ASIC2: variants seen among roughly 807,000 people sequenced by gnomAD.
ASIC2 encodes acid-sensing ion channel 2.
In ASIC2, 25 loss-of-function variants were observed where a neutral mutation model predicts 57.3. The ratio of observed to expected loss-of-function variants is 0.44; its 90% confidence interval spans 0.32 to 0.61. The LOEUF (loss-of-function observed/expected upper bound fraction) is 0.61. Among genes scored for constraint, ASIC2 ranks in the 20% least tolerant of loss-of-function variants. The probability of loss-of-function intolerance (pLI) is 0.06; values close to 1 mark genes in which losing one functional copy is unlikely to be tolerated. For missense variants in ASIC2, 641 were observed against 738.1 expected (o/e 0.87, Z 1.52); for synonymous variants, 319 against 307.5 (o/e 1.04, Z -0.39).
At chr17:33,130,226 T>C (rs1294488541) in intron 1 of ASIC2, among the ~76,000 whole-genome samples, 2 of 152,140 alleles carry the variant, frequency 1.3e-5, no homozygotes, top group African/African-American at 2.4e-5. Context: ...TACATGAATT[T>C]TTGCAACAAC....
At chr17:33,579,767 G>A (rs529428714) in intron 1 of ASIC2, among the ~76,000 whole-genome samples, 175 of 152,282 alleles carry the variant, frequency 1.1e-3, no homozygotes, top group African/African-American at 3.7e-3. Context: ...AACTCATTCA[G>A]AAGAGCAAAA....
chr17:33,935,638 C>T (rs1407092541), intron 1 of ASIC2: 1 of 152,124 alleles, frequency 6.6e-6, no homozygotes, highest in Non-Finnish European at 1.5e-5. Flanking sequence ...CCTCTAAAAT[C>T]CTGCTCCCAC....
At chr17:33,295,416 C>T (rs1905684143), upstream of ASIC2, among the ~76,000 whole-genome samples, 1 of 152,204 alleles carries the variant, frequency 6.6e-6, no homozygotes, top group African/African-American at 2.4e-5. Context: ...ATACTCCCAC[C>T]CTCTTCTCTG....
chr17:33,363,572 C>T (rs1445153758), intron 1 of ASIC2, among the ~76,000 whole-genome samples: 1 of 152,228 alleles, frequency 6.6e-6, no homozygotes, highest in Non-Finnish European at 1.5e-5. Context: ...CCTAGCCCTG[C>T]GTTCCGAGCT....
intron 1 of ASIC2, among the ~76,000 whole-genome samples, chr17:33,275,364 CTATAA>C (rs1348174078): frequency 6.6e-6 from 1 of 152,148 alleles, no homozygotes; most frequent in Non-Finnish European, 1.5e-5. Flanking sequence ...AATCTTCGCA[CTATAA>C]CCTCAGTTCT....
intron 1 of ASIC2, among the ~76,000 whole-genome samples, chr17:34,034,461 A>G (rs1907770889): frequency 6.6e-6 from 1 of 152,224 alleles, no homozygotes; most frequent in African/African-American, 2.4e-5. Flanking sequence ...CAAGACAGGG[A>G]TGCCCTCTCT....
intron 1 of ASIC2, chr17:34,001,764 C>T (rs527782380): frequency 1.1e-4 from 17 of 152,342 alleles, no homozygotes; most frequent in Admixed American, 9.1e-4. Flanking sequence ...GTCCTTTCTA[C>T]CCTGTTTAGT....
rs1906806961 is a variant in ASIC2 at position 34,012,517 on chromosome 17, A to C, written c.555+143461T>G. Among the ~76,000 whole-genome samples the C allele has an allele frequency of 2.0e-5, 3 of 152,164 alleles. No homozygotes were observed. In the South Asian group the frequency reaches 6.2e-4, roughly 32 times the overall value. The stretch of plus-strand genomic sequence containing the variant: ...GATTCTTGGTCTGCTTTAAATAATT[A>C]AATATTCAACACCACTGTTGCCCCC... On this transcript the variant is annotated intron_variant, in intron 1 of 9. Coordinates refer to the ASIC2 transcript ENST00000359872.
chr17:33,325,834 T>A (rs190823104), intron 1 of ASIC2, among the ~76,000 whole-genome samples: 75 of 152,092 alleles, frequency 4.9e-4, no homozygotes, highest in African/African-American at 1.7e-3. Context: ...TTAGAATGTA[T>A]AGGATTTGAG....
intron 7 of ASIC2, among the ~76,000 whole-genome samples, chr17:33,020,251 G>A (rs997271415): frequency 6.6e-6 from 1 of 152,082 alleles, no homozygotes; most frequent in African/African-American, 2.4e-5. Context: ...TGGGCTAGGG[G>A]GTTATCATGT....
chr17:33,044,476 G>A (rs1210017363), intron 3 of ASIC2, among the ~76,000 whole-genome samples: 2 of 152,070 alleles, frequency 1.3e-5, no homozygotes, highest in Non-Finnish European at 2.9e-5. Flanking sequence ...GGCTTCAAGC[G>A]ATTCTCCTGC....
intron 1 of ASIC2, among the ~76,000 whole-genome samples, chr17:33,320,595 G>A (rs1368124100): frequency 6.6e-6 from 1 of 152,182 alleles, no homozygotes; most frequent in Non-Finnish European, 1.5e-5. Flanking sequence ...GTTATTGTTG[G>A]TTGCGAACAC....
chr17:33,628,167 T>C (rs1567673477), intron 1 of ASIC2, among the ~76,000 whole-genome samples: 1 of 152,196 alleles, frequency 6.6e-6, no homozygotes, highest in Non-Finnish European at 1.5e-5. Flanking sequence ...TCCCGATGCC[T>C]GGGAGTCTGC....
chr17:33,328,524 T>A (rs1907170151), intron 1 of ASIC2, among the ~76,000 whole-genome samples: 1 of 152,136 alleles, frequency 6.6e-6, no homozygotes, highest in African/African-American at 2.4e-5. Context: ...CCATCCCCCA[T>A]CACCTGTAAT....
chr17:33,037,988 C>A (rs3025240), intron 3 of ASIC2, among the ~76,000 whole-genome samples: 3 of 152,104 alleles, frequency 2.0e-5, no homozygotes. Flanking sequence ...ATCTCTTAAG[C>A]CTTTGTGTCT....
intron 1 of ASIC2, among the ~76,000 whole-genome samples, chr17:33,550,922 T>G (rs1364175383): frequency 6.6e-6 from 1 of 152,114 alleles, no homozygotes; most frequent in Non-Finnish European, 1.5e-5. Flanking sequence ...ACCTGTGAAT[T>G]GTAGTGGAAC....
chr17:33,198,833 A>G (rs982744430), intron 1 of ASIC2, among the ~76,000 whole-genome samples: 1 of 152,318 alleles, frequency 6.6e-6, no homozygotes, highest in Middle Eastern at 3.4e-3. Context: ...AAAATACACA[A>G]TCTTCTTCTT....
intron 1 of ASIC2, among the ~76,000 whole-genome samples, chr17:33,410,778 G>A (rs1182248836): frequency 6.6e-6 from 1 of 152,228 alleles, no homozygotes; most frequent in Non-Finnish European, 1.5e-5. Context: ...TTGTGAGACA[G>A]GCAAAGTTGT....
In ASIC2 at chr17:33,656,393, T is replaced by C. The variant is rs576453101; in HGVS notation, c.555+499585A>G. Among the ~76,000 whole-genome samples, 4 of 152,336 alleles carry C rather than the reference T, an allele frequency of 2.6e-5. 1 individual carries two copies. Among genetic ancestry groups the C allele is most frequent in the African/African-American group, 9.6e-5 (4 of 41,576 alleles). On this transcript the variant is annotated intron_variant, in intron 1 of 9. Coordinates refer to the ASIC2 transcript ENST00000359872. ...ACATTAAAGCATCAGCTTCTTGGCT[T>C]GCTTGTATCTCTAAGTATGTCCTTG... is the stretch of plus-strand genomic sequence containing the variant.
Sources: gnomAD v4.1 joint callset for allele counts (sites outside exome capture counted in the v4.1 genomes callset) on GRCh38, gnomAD v4.1.1 for gene constraint, MANE v1.5 for transcripts, NCBI Gene and HGNC (gene_info 2026-07-23, HGNC 2026-07-21) for gene names.